Variants in ZNF83 observed in about 807,000 individuals in gnomAD.
ZNF83 encodes the protein zinc finger protein 83, also known as zinc finger protein 816B.
For synonymous variants in ZNF83, 209 were observed against 213.0 expected (o/e 0.98, Z 0.17); for missense variants, 552 against 629.9 (o/e 0.88, Z 1.32).
At chr19:52,630,430 G>T (rs900283460) in intron 2 of ZNF83, among the ~76,000 whole-genome samples, 1 of 152,084 alleles carries the variant, frequency 6.6e-6, no homozygotes, top group African/African-American at 2.4e-5. Context: ...TGACAGCCAG[G>T]CTTCTAAGCC....
intron 1 of ZNF83, 93 bp downstream of exon 1, chr19:52,638,217 GGA>G (rs1490585237): frequency 6.6e-6 from 1 of 152,366 alleles, no homozygotes; most frequent in African/African-American, 2.4e-5. Flanking sequence ...AAGGAAGAAG[GGA>G]GAGAATTTCC....
intron 1 of ZNF83, among the ~76,000 whole-genome samples, chr19:52,677,074 T>C (rs533407215): frequency 6.9e-6 from 1 of 144,784 alleles, no homozygotes; most frequent in Non-Finnish European, 1.5e-5. Context: ...ACTGTTGTCC[T>C]ATGACCCTGC....
Position 52,653,711 on chromosome 19 carries a change from T to A in ZNF83, c.-74+1850A>T, listed in dbSNP as rs147246114. ...GTAAGAGATGACTTGTGACCGAAGG[T>A]CTTGGAACACTCATTACACTTGTAA... On this transcript the variant is annotated intron_variant, in intron 3 of 5. Transcript: ENST00000594682. Among the ~76,000 whole-genome samples the A allele has an allele frequency of 6.0e-4, 91 of 152,266 alleles. 2 individuals are homozygous for A. Among genetic ancestry groups the A allele is most frequent in the East Asian group, 5.8e-3 (30 of 5,154 alleles).
At chr19:52,614,572 C>T in exon 3 of ZNF83, 1 of 1,571,810 alleles carries the variant, frequency 6.4e-7, no homozygotes, top group South Asian at 1.2e-5. Context: ...CATGTCTCTT[C>T]TACCAATGAG....
chr19:52,627,690 G>GTCAAGGTGATGAACT (rs2060795592), intron 2 of ZNF83, among the ~76,000 whole-genome samples: 1 of 152,142 alleles, frequency 6.6e-6, no homozygotes, highest in Non-Finnish European at 1.5e-5. Flanking sequence ...TGGGCTTAAT[G>GTCAAGGTGATGAACT]TCAAGGTGAT....
intron 2 of ZNF83, among the ~76,000 whole-genome samples, chr19:52,630,688 T>A (rs2060923588): frequency 6.6e-6 from 1 of 151,906 alleles, no homozygotes; most frequent in African/African-American, 2.4e-5. Flanking sequence ...CTCCACTCCT[T>A]CCCTGGCAAC....
chr19:52,656,858 C>G (rs1457662629), intron 2 of ZNF83, among the ~76,000 whole-genome samples: 1 of 82,716 alleles, frequency 1.2e-5, no homozygotes, highest in Non-Finnish European at 2.2e-5. Context: ...GAGCGAGACT[C>G]CGTCTCAAAA....
At chr19:52,619,185 G>A in intron 2 of ZNF83, 2 of 1,604,012 alleles carry the variant, frequency 1.2e-6, no homozygotes, top group African/African-American at 1.3e-5. Context: ...TCTGAGTAAG[G>A]GATTTTTCAC....
At chr19:52,619,556 G>T (rs2060455773) in intron 2 of ZNF83, among the ~76,000 whole-genome samples, 1 of 151,840 alleles carries the variant, frequency 6.6e-6, no homozygotes. Flanking sequence ...AAGCCGGGAG[G>T]TAGAGGTTGC....
chr19:52,639,870 T>TC (rs1394392154), upstream of ZNF83, among the ~76,000 whole-genome samples: 1 of 152,124 alleles, frequency 6.6e-6, no homozygotes, highest in Non-Finnish European at 1.5e-5. Flanking sequence ...AACCAGAATG[T>TC]GATGGGAAAT....
At chr19:52,666,015 T>A (rs1600248609) in intron 1 of ZNF83, among the ~76,000 whole-genome samples, 2 of 141,424 alleles carry the variant, frequency 1.4e-5, no homozygotes, top group African/African-American at 5.5e-5. Context: ...AAAAAAAAAA[T>A]TAGCCGGGCA....
chr19:52,614,107 T>G (rs1250512896), exon 3 of ZNF83: 2 of 1,613,872 alleles, frequency 1.2e-6, no homozygotes, highest in South Asian at 2.2e-5. Context: ...CTTGCCACAT[T>G]CATTACATTT....
At chr19:52,643,214 C>G (rs2061330706), upstream of ZNF83, among the ~76,000 whole-genome samples, 1 of 151,952 alleles carries the variant, frequency 6.6e-6, no homozygotes, top group Non-Finnish European at 1.5e-5. Context: ...AATTAGCCAG[C>G]TTTGTAGCAC....
chr19:52,663,979 C>T lies in ZNF83; in HGVS notation c.-282-3136G>A, dbSNP rs145127887. Among the ~76,000 whole-genome samples, 15 of 152,286 alleles carry T rather than the reference C, an allele frequency of 9.8e-5. No individual in the cohort carries two copies. In the East Asian group the frequency reaches 1.7e-3, roughly 18 times the overall value. ...TCGGCTCACTGCAACCTCCACCTCC[C>T]GGATTCAAGCTATTCTCCTGCCTGT... On this transcript the variant is annotated intron_variant, in intron 1 of 5. Coordinates refer to the ZNF83 transcript ENST00000594682.
intron 1 of ZNF83, among the ~76,000 whole-genome samples, chr19:52,680,714 G>A (rs951039591): frequency 8.1e-5 from 11 of 135,192 alleles, no homozygotes; most frequent in Middle Eastern, 4.0e-3. Context: ...CCGGGTTCAC[G>A]CCATTCTCCT....
At chr19:52,648,019 C>A (rs571191109) in intron 3 of ZNF83, among the ~76,000 whole-genome samples, 1 of 151,874 alleles carries the variant, frequency 6.6e-6, no homozygotes, top group South Asian at 2.1e-4. Flanking sequence ...GGCTGCAAAT[C>A]CCTCCTCCTC....
intron 1 of ZNF83, among the ~76,000 whole-genome samples, chr19:52,638,082 G>C (rs17633389): frequency 0.11 from 16,149 of 152,178 alleles, 1,022 homozygotes; most frequent in Admixed American, 0.13. Context: ...AAAACTACGC[G>C]ACAGGAAGTG....
chr19:52,641,521 TGAA>T (rs1443524193), upstream of ZNF83, among the ~76,000 whole-genome samples: 2 of 152,214 alleles, frequency 1.3e-5, no homozygotes, highest in Non-Finnish European at 2.9e-5. Context: ...TGAATAAATA[TGAA>T]GGAGTTCAGA....
At chr19:52,682,145 C>T (rs2061932772) in intron 1 of ZNF83, among the ~76,000 whole-genome samples, 1 of 152,024 alleles carries the variant, frequency 6.6e-6, no homozygotes, top group African/African-American at 2.4e-5. Context: ...CGTGCCTGGC[C>T]TGTTTTTACT....
Sources: gnomAD v4.1 joint callset for allele counts (sites outside exome capture counted in the v4.1 genomes callset) on GRCh38, gnomAD v4.1.1 for gene constraint, MANE v1.5 for transcripts, NCBI Gene and HGNC (gene_info 2026-07-23, HGNC 2026-07-21) for gene names.